Variants in ZRANB1 observed in about 807,000 individuals in gnomAD.
The protein encoded by ZRANB1 is ubiquitin thioesterase ZRANB1.
A neutral mutation model predicts 80.5 loss-of-function variants in ZRANB1; 16 were observed. The ratio of observed to expected loss-of-function variants is 0.20; its 90% CI spans 0.13 to 0.30. ZRANB1 has a LOEUF of 0.30. Ranked by LOEUF, ZRANB1 falls within the 10% of genes least tolerant of loss-of-function variation. The probability of loss-of-function intolerance (pLI) is 1.00; values close to 1 mark genes in which losing one functional copy is unlikely to be tolerated. For synonymous variants in ZRANB1, 291 were observed against 293.1 expected (o/e 0.99, Z 0.07); for missense variants, 576 against 862.6 (o/e 0.67, Z 4.16).
chr10:124,968,145 C>T (rs532004778), intron 2 of ZRANB1, among the ~76,000 whole-genome samples: 4 of 152,276 alleles, frequency 2.6e-5, no homozygotes, highest in South Asian at 4.1e-4. Context: ...GATCTGCCCG[C>T]CTCGGCCCCC....
chr10:124,943,952 G>C (rs575359666), intron 1 of ZRANB1, among the ~76,000 whole-genome samples: 1 of 152,274 alleles, frequency 6.6e-6, no homozygotes, highest in East Asian at 1.9e-4. Flanking sequence ...GAAAATACTG[G>C]TGTTAATTTA....
intron 1 of ZRANB1, among the ~76,000 whole-genome samples, chr10:124,943,909 G>T (rs1271227742): frequency 2.0e-5 from 3 of 152,274 alleles, no homozygotes; most frequent in African/African-American, 7.2e-5. Context: ...AAAAATGTGT[G>T]ACTCCAAGAA....
chr10:124,963,499 T>G (rs1458324295), intron 1 of ZRANB1, among the ~76,000 whole-genome samples: 1 of 148,376 alleles, frequency 6.7e-6, no homozygotes, highest in African/African-American at 2.4e-5. Context: ...TAAAAGGTGC[T>G]CAAAGTGTAA....
the ZRANB1 span, among the ~76,000 whole-genome samples, chr10:124,930,892 T>A: frequency 3.9e-5 from 6 of 151,998 alleles, no homozygotes; most frequent in Non-Finnish European, 2.9e-5. Context: ...TAGCTCGGTG[T>A]AATGGTGTGC....
the ZRANB1 span, among the ~76,000 whole-genome samples, chr10:124,930,828 C>A: frequency 1.3e-5 from 2 of 151,944 alleles, no homozygotes; most frequent in African/African-American, 4.8e-5. Context: ...GCCTGGAGTT[C>A]GAGATTAGCC....
chr10:124,943,157 C>A lies in ZRANB1; in HGVS notation c.664C>A (p.Arg222=). 6.2e-7 allele frequency: 1 copy of A among 1,614,092 alleles called. No individual in the cohort carries two copies. Among genetic ancestry groups the A allele is most frequent in the Non-Finnish European group, 8.5e-7 (1 of 1,180,028 alleles). ...AAGGAGATCACCTCCTGCTACGAAG[C>A]GGGACTCTGAAGTGAAAATGGATTT... ...SQRRSPPATK[R]DSEVKMDFQR... is the part of the protein sequence containing the mutation. The change falls in exon 1 of 9, where the codon CGG becomes AGG. Residue 222 remains arginine (R), a synonymous_variant. Coordinates refer to ENST00000359653, the MANE Select transcript of ZRANB1 (RefSeq NM_017580.3).
At chr10:124,921,341 G>A in the ZRANB1 span, among the ~76,000 whole-genome samples, 9 of 152,242 alleles carry the variant, frequency 5.9e-5, no homozygotes, top group Admixed American at 2.6e-4. Context: ...GATGAGACAG[G>A]AGAATATGTG....
the ZRANB1 span, among the ~76,000 whole-genome samples, chr10:124,924,335 A>T: frequency 6.6e-6 from 1 of 151,064 alleles, no homozygotes. Context: ...GGTGTATTTC[A>T]TATACCATAA....
the ZRANB1 span, among the ~76,000 whole-genome samples, chr10:124,922,334 ATATT>A: frequency 0.015 from 640 of 41,424 alleles, 16 homozygotes; most frequent in Non-Finnish European, 0.03. Flanking sequence ...ATGTATATAT[ATATT>A]TTTTTTTTAA....
At chr10:124,964,198 A>T (rs1481645153) in intron 1 of ZRANB1, among the ~76,000 whole-genome samples, 1 of 152,246 alleles carries the variant, frequency 6.6e-6, no homozygotes, top group East Asian at 1.9e-4. Flanking sequence ...CATGCATTTC[A>T]ACATTGTAAG....
intron 1 of ZRANB1, among the ~76,000 whole-genome samples, chr10:124,959,684 T>C (rs2134270051): frequency 6.6e-6 from 1 of 152,312 alleles, no homozygotes; most frequent in South Asian, 2.1e-4. Flanking sequence ...GGTCTTGAAC[T>C]GCTGAGCTCA....
intron 5 of ZRANB1, among the ~76,000 whole-genome samples, chr10:124,977,736 AG>A (rs1289858832): frequency 0.012 from 1,765 of 148,348 alleles, 55 homozygotes; most frequent in African/African-American, 0.042. Context: ...AAAAAAAAAA[AG>A]ATGGTTTGGT....
In ZRANB1 at chr10:124,984,837, G is replaced by T; in HGVS notation, c.1972G>T (p.Gly658Trp). The stretch of plus-strand genomic sequence containing the variant: ...GTGGCTGGACTGCTGTGTGACGGAG[G>T]GGGGAGTTCTGGTTGCCATGCAGAA... ...REWLDCCVTE[G>W]GVLVAMQKSS... The change falls in exon 9 of 9, where the codon GGG (glycine) becomes TGG (tryptophan). Residue 658 changes from glycine (G) to tryptophan (W), a missense_variant. Around this residue, in one of 3 missense-constraint regions of ZRANB1, gnomAD observed 152 missense variants for 221.9 expected, o/e 0.69. Coordinates refer to ENST00000359653, the MANE Select transcript of ZRANB1 (RefSeq NM_017580.3). The T allele has an allele frequency of 6.2e-7, 1 of 1,613,996 alleles. No homozygotes were observed. Among genetic ancestry groups the T allele is most frequent in the Non-Finnish European group, 8.5e-7 (1 of 1,180,004 alleles).
chr10:124,971,087 G>C (rs185269867), intron 2 of ZRANB1, among the ~76,000 whole-genome samples: 134 of 152,248 alleles, frequency 8.8e-4, no homozygotes, highest in African/African-American at 3.0e-3. Flanking sequence ...GCCTCCCAGA[G>C]TTGGTGGGAT....
intron 5 of ZRANB1, among the ~76,000 whole-genome samples, chr10:124,979,924 C>T (rs1203872218): frequency 6.6e-6 from 1 of 152,202 alleles, no homozygotes; most frequent in African/African-American, 2.4e-5. Flanking sequence ...TCTGGATGAT[C>T]ATATCTTTGT....
At chr10:124,922,281 A>AATAT in the ZRANB1 span, among the ~76,000 whole-genome samples, 16 of 87,454 alleles carry the variant, frequency 1.8e-4, no homozygotes, top group African/African-American at 6.4e-4. Flanking sequence ...ATATATGTAA[A>AATAT]ATATATATAT....
chr10:124,952,065 A>G (rs1371159315), intron 1 of ZRANB1, among the ~76,000 whole-genome samples: 1 of 152,200 alleles, frequency 6.6e-6, no homozygotes, highest in African/African-American at 2.4e-5. Flanking sequence ...TTATAGGTTC[A>G]TCTCCCTCTA....
Position 124,959,548 on chromosome 10 carries a change from C to G in ZRANB1, c.815-7046C>G, listed in dbSNP as rs112839979. 9.8e-3 allele frequency among the ~76,000 whole-genome samples: 1,495 copies of G among 152,098 alleles called. 22 individuals carry two copies. The highest frequency in any genetic ancestry group is 0.034 in the African/African-American group (1,423 of 41,476). ...TGACATGATCACGGCTCACTGCAGCCTCAACCTTCTTGGGCTCAAGGGATC... is the reference window on the plus strand; with the variant it reads ...TGACATGATCACGGCTCACTGCAGCGTCAACCTTCTTGGGCTCAAGGGATC... On this transcript the variant is annotated intron_variant, in intron 1 of 8. Transcript: ENST00000359653.
upstream of ZRANB1, chr10:124,940,492 A>G: frequency 7.8e-7 from 1 of 1,288,186 alleles, no homozygotes; most frequent in South Asian, 1.2e-5. Context: ...TGCAAACCGT[A>G]CTTTTATTCT....
Sources: allele counts gnomAD v4.1 joint callset (sites outside exome capture counted in the v4.1 genomes callset), GRCh38; gene constraint gnomAD v4.1.1; regional missense constraint gnomAD v4.1.1; transcripts MANE v1.5; gene names NCBI Gene and HGNC (gene_info 2026-07-23, HGNC 2026-07-21).